NBAS: variants seen among roughly 807,000 people sequenced by gnomAD.
NBAS encodes NBAS subunit of NRZ tethering complex.
Under a neutral mutation model 302.5 loss-of-function variants are expected in NBAS, and 219 were observed. The ratio of observed to expected loss-of-function variants is 0.72; its 90% CI spans 0.65 to 0.81. The LOEUF (loss-of-function observed/expected upper bound fraction) is 0.81. Ranked by LOEUF, NBAS falls within the 30% of genes least tolerant of loss-of-function variation. The pLI is 0.00. For missense variants in NBAS, 2,932 were observed against 2,841.6 expected (o/e 1.03, Z -0.72); for synonymous variants, 1,118 against 1,021.6 (o/e 1.09, Z -1.80).
chr2:15,034,025 AAGAGGAGGAGGAAGG>A, the NBAS span, among the ~76,000 whole-genome samples: 6 of 23,876 alleles, frequency 2.5e-4, no homozygotes, highest in Non-Finnish European at 3.3e-4. Flanking sequence ...GAAGAAGAAG[AAGAGGAGGAGGAAGG>A]AGGAGGAGGA....
chr2:15,024,224 T>A, the NBAS span, among the ~76,000 whole-genome samples: 38 of 151,848 alleles, frequency 2.5e-4, no homozygotes, highest in African/African-American at 8.5e-4. Flanking sequence ...ACATGCAGTA[T>A]TGGTTTTCTG....
the NBAS span, among the ~76,000 whole-genome samples, chr2:15,006,187 T>C: frequency 6.6e-6 from 1 of 152,152 alleles, no homozygotes; most frequent in Non-Finnish European, 1.5e-5. Flanking sequence ...GCACGTATTA[T>C]AATAGAAAAA....
the NBAS span, among the ~76,000 whole-genome samples, chr2:14,849,804 C>A: frequency 3.5e-4 from 50 of 141,074 alleles, no homozygotes; most frequent in Non-Finnish European, 6.0e-4. Flanking sequence ...GAATTTTCAA[C>A]CCAGAATTTC....
At chr2:14,927,636 A>G in the NBAS span, among the ~76,000 whole-genome samples, 1 of 152,172 alleles carries the variant, frequency 6.6e-6, no homozygotes, top group East Asian at 1.9e-4. Flanking sequence ...GGAATCACAC[A>G]ACATTTTCCA....
At chr2:14,843,152 T>G in the NBAS span, among the ~76,000 whole-genome samples, 1 of 152,126 alleles carries the variant, frequency 6.6e-6, no homozygotes. Context: ...AAACTGGATA[T>G]AGAAGGAACA....
At chr2:14,902,362 C>T in the NBAS span, among the ~76,000 whole-genome samples, 1 of 152,150 alleles carries the variant, frequency 6.6e-6, no homozygotes, top group Non-Finnish European at 1.5e-5. Context: ...CAACTCCTGG[C>T]CTCAAGTGAT....
At chr2:14,877,388 C>G in the NBAS span, among the ~76,000 whole-genome samples, 4 of 152,202 alleles carry the variant, frequency 2.6e-5, no homozygotes, top group Non-Finnish European at 1.5e-5. Context: ...CTGGTATATA[C>G]TGGCTATCTG....
intron 38 of NBAS, among the ~76,000 whole-genome samples, chr2:15,311,453 T>G (rs1671271973): frequency 6.6e-6 from 1 of 152,158 alleles, no homozygotes; most frequent in Non-Finnish European, 1.5e-5. Context: ...TTTCTTCAGT[T>G]ACAACATGTT....
chr2:14,880,811 G>A, the NBAS span, among the ~76,000 whole-genome samples: 1 of 151,482 alleles, frequency 6.6e-6, no homozygotes, highest in Non-Finnish European at 1.5e-5. Context: ...AGATTAAAAA[G>A]ACCTACAATG....
the NBAS span, among the ~76,000 whole-genome samples, chr2:14,789,138 T>A: frequency 2.0e-5 from 3 of 152,198 alleles, no homozygotes; most frequent in South Asian, 2.1e-4. Flanking sequence ...CTCTGAGCCA[T>A]GTGCGGGATA....
chr2:14,894,557 A>G, the NBAS span, among the ~76,000 whole-genome samples: 1 of 151,884 alleles, frequency 6.6e-6, no homozygotes, highest in Admixed American at 6.6e-5. Context: ...ATATAAATAT[A>G]AAATATAATA....
At chr2:14,913,937 T>C in the NBAS span, among the ~76,000 whole-genome samples, 3 of 152,290 alleles carry the variant, frequency 2.0e-5, no homozygotes, top group Admixed American at 2.0e-4. Context: ...ACACTGTTGA[T>C]AAAGATATAC....
the NBAS span, among the ~76,000 whole-genome samples, chr2:14,806,971 C>CATAT: frequency 5.3e-5 from 8 of 152,178 alleles, no homozygotes; most frequent in Admixed American, 1.3e-4. Context: ...AATGCTGCAT[C>CATAT]ATATTTTCTT....
the NBAS span, among the ~76,000 whole-genome samples, chr2:15,132,320 A>G: frequency 3.3e-5 from 5 of 152,240 alleles, no homozygotes; most frequent in African/African-American, 1.2e-4. Context: ...AAAGAGGCCA[A>G]TCTGAAAAGC....
At chr2:14,847,722 C>T in the NBAS span, among the ~76,000 whole-genome samples, 2 of 152,242 alleles carry the variant, frequency 1.3e-5, no homozygotes, top group East Asian at 1.9e-4. Context: ...TTGGACAGAT[C>T]CTCCAGACAG....
chr2:15,307,817 A>G (rs1671097047), intron 40 of NBAS, among the ~76,000 whole-genome samples: 1 of 152,238 alleles, frequency 6.6e-6, no homozygotes, highest in Non-Finnish European at 1.5e-5. Flanking sequence ...CTTAAAAAAA[A>G]AAATAAAAGT....
chr2:15,299,613 G>T (rs1423742718), intron 40 of NBAS, among the ~76,000 whole-genome samples: 1 of 152,024 alleles, frequency 6.6e-6, no homozygotes, highest in Non-Finnish European at 1.5e-5. Context: ...GTCATCCCCC[G>T]CTGAGTTTGC....
chr2:15,034,235 G>GGAAA, the NBAS span, among the ~76,000 whole-genome samples: 97 of 81,726 alleles, frequency 1.2e-3, 1 homozygote, highest in African/African-American at 4.0e-3. Flanking sequence ...AAAGAAAGAA[G>GGAAA]GAAAGAAAGA....
chr2:15,144,415 G>T, the NBAS span, among the ~76,000 whole-genome samples: 2 of 152,182 alleles, frequency 1.3e-5, no homozygotes, highest in Non-Finnish European at 2.9e-5. Context: ...TTTCCTGAAA[G>T]AATGACTTTT....
Sources: allele counts gnomAD v4.1 joint callset (sites outside exome capture counted in the v4.1 genomes callset), GRCh38; gene constraint gnomAD v4.1.1; transcripts MANE v1.5; gene names NCBI Gene and HGNC (gene_info 2026-07-23, HGNC 2026-07-21).